RNF216: variants seen among roughly 807,000 people sequenced by gnomAD.
The protein encoded by RNF216 is ring finger protein 216.
RNF216 carries 72 observed loss-of-function variants against 110.8 expected under a neutral mutation model. The ratio of observed to expected loss-of-function variants is 0.65; its 90% CI spans 0.54 to 0.79. The LOEUF (loss-of-function observed/expected upper bound fraction) is 0.79. RNF216 is among the 30% of genes least tolerant of loss of function. The probability of loss-of-function intolerance (pLI) is 0.00; values close to 1 mark genes in which losing one functional copy is unlikely to be tolerated. For synonymous variants in RNF216, 495 were observed against 407.5 expected (o/e 1.21, Z -2.59); for missense variants, 1,342 against 1,141.2 (o/e 1.18, Z -2.54).
chr7:5,751,578 C>A (rs905477900), intron 3 of RNF216, among the ~76,000 whole-genome samples: 1 of 152,078 alleles, frequency 6.6e-6, no homozygotes, highest in African/African-American at 2.4e-5. Context: ...TGCTTTAATT[C>A]TTACACAGGA....
chr7:5,640,060 A>ATTTTTT (rs572182905), intron 15 of RNF216, among the ~76,000 whole-genome samples: 1 of 138,856 alleles, frequency 7.2e-6, no homozygotes. Context: ...CGCCCGGCCA[A>ATTTTTT]TTTTTTTTTT....
chr7:5,717,006 T>C (rs1168030813), intron 9 of RNF216, among the ~76,000 whole-genome samples: 3 of 152,120 alleles, frequency 2.0e-5, no homozygotes, highest in Admixed American at 2.0e-4. Flanking sequence ...GGCTGACACA[T>C]AAAACACTTT....
intron 13 of RNF216, among the ~76,000 whole-genome samples, chr7:5,655,575 CAGCCTGGGCAACA>C (rs1239926400): frequency 1.3e-5 from 2 of 151,976 alleles, no homozygotes; most frequent in African/African-American, 2.4e-5. Flanking sequence ...CACTGCACTC[CAGCCTGGGCAACA>C]GAGCAAGACT....
intron 3 of RNF216, among the ~76,000 whole-genome samples, chr7:5,747,242 C>G (rs144544407): frequency 6.6e-4 from 100 of 152,252 alleles, no homozygotes; most frequent in Non-Finnish European, 1.2e-3. Flanking sequence ...TGTCCTAAAC[C>G]TGGGGAAGAC....
chr7:5,651,773 C>G (rs187839213), intron 14 of RNF216, among the ~76,000 whole-genome samples: 3 of 152,084 alleles, frequency 2.0e-5, no homozygotes, highest in African/African-American at 7.2e-5. Flanking sequence ...CTCAGCCTCC[C>G]GAGTAGCTGG....
chr7:5,736,453 G>A (rs1305457639), intron 5 of RNF216, among the ~76,000 whole-genome samples: 1 of 152,148 alleles, frequency 6.6e-6, no homozygotes, highest in Non-Finnish European at 1.5e-5. Context: ...GTGCAGTGGC[G>A]CGATCTCGGC....
chr7:5,668,540 T>A (rs905308597), intron 13 of RNF216, among the ~76,000 whole-genome samples: 1 of 152,090 alleles, frequency 6.6e-6, no homozygotes. Context: ...GGACTTTTAA[T>A]CTTTCCCTCC....
Position 5,623,003 on chromosome 7 carries a change from G to A in RNF216, c.2629C>T (p.Pro877Ser), listed in dbSNP as rs745745214. 3 of 1,614,112 alleles carry A rather than the reference G, an allele frequency of 1.9e-6. No individual in the cohort carries two copies. Among genetic ancestry groups the A allele is most frequent in the Non-Finnish European group, 2.5e-6 (3 of 1,180,018 alleles). ...PPVRPVFNNFPLNMGPIPAPY... is the reference protein window; with the variant it reads ...PPVRPVFNNFSLNMGPIPAPY... ...GCTGGGATAGGCCCCATGTTGAGTG[G>A]GAAGTTGTTGAACACAGGCCGCACG... Residue 877 changes from proline to serine, a missense_variant, in exon 17 of 17, where the codon CCA becomes TCA. Physicochemically the swap from Pro to Ser is moderately conservative, Grantham distance 74 (BLOSUM62 -1). Transcript: ENST00000389902.
intron 8 of RNF216, among the ~76,000 whole-genome samples, chr7:5,721,955 CTCT>C (rs1453367903): frequency 1.3e-5 from 2 of 152,222 alleles, no homozygotes; most frequent in African/African-American, 4.8e-5. Context: ...CAGAGCCTTG[CTCT>C]GCTGCTCACG....
intron 13 of RNF216, among the ~76,000 whole-genome samples, chr7:5,655,429 C>T (rs1341923416): frequency 1.3e-5 from 2 of 152,314 alleles, no homozygotes; most frequent in African/African-American, 2.4e-5. Context: ...GAAACCCCAT[C>T]TCTACTAAAA....
At chr7:5,724,839 A>T (rs1793651874) in intron 8 of RNF216, among the ~76,000 whole-genome samples, 2 of 152,168 alleles carry the variant, frequency 1.3e-5, no homozygotes. Flanking sequence ...TGGGGATCAG[A>T]CCTAAATAAC....
At chr7:5,636,988 A>G (rs570359734) in intron 15 of RNF216, among the ~76,000 whole-genome samples, 1 of 152,240 alleles carries the variant, frequency 6.6e-6, no homozygotes, top group South Asian at 2.1e-4. Context: ...AAGTGCTGAG[A>G]ATAGGCCAGA....
At chr7:5,780,816 C>A (rs1452944420) in intron 1 of RNF216, among the ~76,000 whole-genome samples, 2 of 152,296 alleles carry the variant, frequency 1.3e-5, no homozygotes, top group South Asian at 2.1e-4. Flanking sequence ...AGAGCCCTGT[C>A]GGATTTGTCA....
Position 5,761,055 on chromosome 7 carries a change from G to C in RNF216, c.15C>G (p.Asn5Lys), listed in dbSNP as rs1472786583. 2 of 1,579,984 alleles carry C rather than the reference G, an allele frequency of 1.3e-6. No homozygotes were observed. Among genetic ancestry groups the C allele is most frequent in the East Asian group, 4.6e-5 (2 of 43,604 alleles). The change falls in exon 2 of 17, where the codon AAC becomes AAG. Residue 5 changes from asparagine (N) to lysine (K), a missense_variant. Physicochemically the swap from Asn to Lys is moderately conservative, Grantham distance 94. Transcript: ENST00000389902. The part of the protein sequence containing the change: MEEG[N>K]NNEEVIHLNN... ...TCAAGTGAATTACCTCTTCATTGTT[G>C]TTTCCCTCTTCCATTTTCAAATGCA...
chr7:5,767,608 T>A (rs2128676821), intron 1 of RNF216, among the ~76,000 whole-genome samples: 1 of 152,034 alleles, frequency 6.6e-6, no homozygotes, highest in African/African-American at 2.4e-5. Context: ...AGGGATTTTT[T>A]TTTTTTTTTT....
At chr7:5,754,332 A>T (rs891301447) in intron 2 of RNF216, among the ~76,000 whole-genome samples, 3 of 151,854 alleles carry the variant, frequency 2.0e-5, no homozygotes, top group African/African-American at 4.8e-5. Flanking sequence ...CTTAAAAAAA[A>T]AATTTTTTTT....
intron 13 of RNF216, among the ~76,000 whole-genome samples, chr7:5,706,591 T>C (rs1584484343): frequency 6.6e-6 from 1 of 152,362 alleles, no homozygotes; most frequent in South Asian, 2.1e-4. Flanking sequence ...CTGCATAATA[T>C]ACCAAATTTT....
chr7:5,679,665 T>C (rs139360275), intron 13 of RNF216, among the ~76,000 whole-genome samples: 2 of 152,274 alleles, frequency 1.3e-5, no homozygotes, highest in East Asian at 1.9e-4. Flanking sequence ...ATCGAGAGAA[T>C]AGCCCTGTCA....
At position 5,711,752 on chromosome 7, in the gene RNF216, C is replaced by T. The variant is rs371828670; in HGVS notation, c.2061+9G>A. 1.3e-5 allele frequency: 21 copies of T among 1,609,914 alleles called. No homozygotes were observed. The highest frequency in any genetic ancestry group is 1.8e-5 in the Non-Finnish European group (21 of 1,177,888). On this transcript the variant is annotated intron_variant, in intron 13 of 16. Transcript: ENST00000389902. ...CAATATACATCTAGAAAAAAATGTGCCTCCCTACCTTTCGGCAGTGAGGAT... is the reference window on the plus strand; with the variant it reads ...CAATATACATCTAGAAAAAAATGTGTCTCCCTACCTTTCGGCAGTGAGGAT...
Sources: gnomAD v4.1 joint callset for allele counts (sites outside exome capture counted in the v4.1 genomes callset) on GRCh38, gnomAD v4.1.1 for gene constraint, MANE v1.5 for transcripts, NCBI Gene and HGNC (gene_info 2026-07-23, HGNC 2026-07-21) for gene names.